THOC7: variants seen among roughly 807,000 people sequenced by gnomAD.
THOC7 encodes the protein THO complex subunit 7.
In THOC7, 22 loss-of-function variants were observed where a neutral mutation model predicts 33.1. That is an observed-to-expected ratio of 0.66 (90% CI 0.47 to 0.95). The LOEUF (loss-of-function observed/expected upper bound fraction) is 0.95, where lower values mean the gene tolerates loss of function less well. Among genes scored for constraint, THOC7 ranks in the 40% least tolerant of loss-of-function variants. THOC7 has a pLI of 0.00. For synonymous variants in THOC7, 77 were observed against 76.8 expected, an observed-to-expected ratio of 1.00 and a Z score of -0.01; for missense variants, 184 against 245.3, an observed-to-expected ratio of 0.75 and a Z score of 1.67.
At chr3:63,841,212 C>T (rs979291393) in intron 1 of THOC7, among the ~76,000 whole-genome samples, 3 of 152,070 alleles carry the variant, frequency 2.0e-5, no homozygotes, top group African/African-American at 4.8e-5. Context: ...GGAGGCTTTG[C>T]GTGTGTGCAT....
chr3:63,862,636 G>A (rs1702252384), intron 1 of THOC7, among the ~76,000 whole-genome samples: 1 of 152,136 alleles, frequency 6.6e-6, no homozygotes, highest in African/African-American at 2.4e-5. Flanking sequence ...CTGGAAATTT[G>A]GGCCTATCAC....
At chr3:63,855,721 G>A (rs574121952) in intron 1 of THOC7, among the ~76,000 whole-genome samples, 1 of 152,300 alleles carries the variant, frequency 6.6e-6, no homozygotes, top group East Asian at 1.9e-4. Flanking sequence ...GTAACTCCTT[G>A]CTAAGGCTAA....
At chr3:63,843,215 T>C (rs1382197813) in intron 1 of THOC7, among the ~76,000 whole-genome samples, 1 of 152,072 alleles carries the variant, frequency 6.6e-6, no homozygotes, top group Non-Finnish European at 1.5e-5. Flanking sequence ...ATCTCCTGGG[T>C]TCAAGCGATT....
chr3:63,863,708 G>A, intron 1 of THOC7, 64 bp downstream of exon 1: 1 of 1,245,020 alleles, frequency 8.0e-7, no homozygotes, highest in Non-Finnish European at 1.0e-6. Flanking sequence ...CGGGAGGCCA[G>A]GGGTCTCAGG....
intron 1 of THOC7, chr3:63,854,816 G>A (rs994821983): frequency 1.3e-5 from 2 of 152,032 alleles, no homozygotes; most frequent in Non-Finnish European, 2.9e-5. Context: ...AGACCATCCC[G>A]GCTAAAACGC....
intron 5 of THOC7, 116 bp from the exon 6 acceptor site, chr3:63,835,506 G>A: frequency 1.2e-6 from 1 of 807,860 alleles, no homozygotes; most frequent in South Asian, 1.9e-5. Flanking sequence ...GGCTTATAAG[G>A]AGTTATAACA....
intron 1 of THOC7, among the ~76,000 whole-genome samples, chr3:63,856,905 A>G (rs183271295): frequency 6.6e-6 from 1 of 152,258 alleles, no homozygotes; most frequent in Non-Finnish European, 1.5e-5. Context: ...TTTTTAGTAG[A>G]GACGGGGTTT....
rs1328236108 is a variant in THOC7 at position 63,834,176 on chromosome 3, C to A, written c.571G>T (p.Glu191Ter). The A allele has an allele frequency of 1.2e-6, 2 of 1,614,036 alleles. No homozygotes were observed. The highest frequency in any genetic ancestry group is 3.3e-5 in the Admixed American group (2 of 60,024). ...TCCATGCTTGCTTCCTGAGCTTCTT[C>A]TACCTCTGAGAGTTTTTCATCATCT... ...LENDEKLSEV[E>*]EAQEASMETD... The change falls in exon 8 of 8, where the codon GAA becomes TAA. Residue 191 changes from glutamate (E) to a stop codon, truncating the protein, a stop_gained. Transcript: ENST00000295899. LOFTEE classifies it high-confidence loss of function.
chr3:63,856,720 T>C (rs1702122697), intron 1 of THOC7, among the ~76,000 whole-genome samples: 1 of 151,980 alleles, frequency 6.6e-6, no homozygotes, highest in South Asian at 2.1e-4. Context: ...AACAGCATTA[T>C]AGATTTTTTT....
At chr3:63,843,896 G>A (rs897197011) in intron 1 of THOC7, among the ~76,000 whole-genome samples, 1 of 150,698 alleles carries the variant, frequency 6.6e-6, no homozygotes, top group South Asian at 2.1e-4. Context: ...GTGAGACTCC[G>A]TCTCAGAAAA....
intron 1 of THOC7, among the ~76,000 whole-genome samples, chr3:63,861,998 C>T (rs1238594622): frequency 6.6e-6 from 1 of 152,084 alleles, no homozygotes; most frequent in Non-Finnish European, 1.5e-5. Context: ...ACTATGTTTT[C>T]CAGGCTGGTC....
chr3:63,855,503 C>G (rs566948037), intron 1 of THOC7, among the ~76,000 whole-genome samples: 11 of 152,158 alleles, frequency 7.2e-5, no homozygotes, highest in African/African-American at 2.7e-4. Flanking sequence ...TAGAGCAACT[C>G]TAGATTTCTA....
At chr3:63,852,616 C>T (rs918760337) in intron 1 of THOC7, among the ~76,000 whole-genome samples, 3 of 152,006 alleles carry the variant, frequency 2.0e-5, no homozygotes, top group African/African-American at 7.2e-5. Context: ...TAGCAGGACC[C>T]AAAGATATAC....
intron 1 of THOC7, among the ~76,000 whole-genome samples, chr3:63,862,354 T>C (rs1433424125): frequency 6.6e-6 from 1 of 152,220 alleles, no homozygotes; most frequent in Non-Finnish European, 1.5e-5. Context: ...AAATAATCTT[T>C]GTTACATGTT....
intron 1 of THOC7, 58 bp from the exon 2 acceptor site, chr3:63,839,831 A>C (rs751878626): frequency 1.0e-5 from 14 of 1,355,650 alleles, no homozygotes; most frequent in Non-Finnish European, 1.4e-5. Context: ...AAGTACAAAT[A>C]ACCAGTATCA....
chr3:63,863,767 C>T lies in THOC7; in HGVS notation c.19+5G>A. The T allele has an allele frequency of 8.0e-7, 1 of 1,252,184 alleles. No homozygotes were observed. Among genetic ancestry groups the T allele is most frequent in the Non-Finnish European group, 9.9e-7 (1 of 1,005,866 alleles). 77.6% of individuals were successfully genotyped at this position (1,252,184 alleles called of 1,614,324 possible). A position where few individuals can be genotyped will look rare whatever the true frequency, so the allele number is the denominator to read the frequency against. Reference sequence around the variant, plus strand: ...GGGCGCGTGTGGCGGCGAGCGGGGCCTCACCGTCAGTCACGGCTCCCATGG... The same window carrying T: ...GGGCGCGTGTGGCGGCGAGCGGGGCTTCACCGTCAGTCACGGCTCCCATGG... On this transcript the variant is annotated splice_donor_5th_base_variant and intron_variant, in intron 1 of 7. Transcript: ENST00000295899.
intron 1 of THOC7, among the ~76,000 whole-genome samples, chr3:63,843,474 A>G (rs1274197153): frequency 2.0e-5 from 3 of 152,172 alleles, no homozygotes; most frequent in African/African-American, 7.2e-5. Flanking sequence ...CAATCCCACT[A>G]CTGGTTATGT....
intron 1 of THOC7, among the ~76,000 whole-genome samples, chr3:63,856,412 A>G (rs1702116200): frequency 6.6e-6 from 1 of 152,228 alleles, no homozygotes; most frequent in Admixed American, 6.5e-5. Context: ...TAGAATGTTT[A>G]TAACAAATGA....
chr3:63,844,030 G>T, intron 1 of THOC7, among the ~76,000 whole-genome samples: 1 of 152,040 alleles, frequency 6.6e-6, no homozygotes, highest in East Asian at 1.9e-4. Flanking sequence ...ATAAAAAGGA[G>T]GACATCCTGT....
Sources: gnomAD v4.1 joint callset for allele counts (sites outside exome capture counted in the v4.1 genomes callset) on GRCh38, gnomAD v4.1.1 for gene constraint, MANE v1.5 for transcripts, NCBI Gene and HGNC (gene_info 2026-07-23, HGNC 2026-07-21) for gene names.